WWOX: variants seen among roughly 807,000 people sequenced by gnomAD.
The protein encoded by WWOX is WW domain-containing oxidoreductase.
WWOX carries 69 observed loss-of-function variants against 46.2 expected under a neutral mutation model. The ratio of observed to expected loss-of-function variants is 1.49; its 90% CI spans 1.23 to 1.82. The LOEUF (loss-of-function observed/expected upper bound fraction) is 1.82, where lower values mean the gene tolerates loss of function less well. Among genes scored for constraint, WWOX ranks in the 40% most tolerant of loss-of-function variants. WWOX has a pLI of 0.00. For synonymous variants in WWOX, 359 were observed against 202.6 expected, an observed-to-expected ratio of 1.77 and a Z score of -6.56; for missense variants, 919 against 542.6, an observed-to-expected ratio of 1.69 and a Z score of -6.89.
At chr16:79,079,635 T>G (rs2048724137) in intron 8 of WWOX, among the ~76,000 whole-genome samples, 1 of 152,214 alleles carries the variant, frequency 6.6e-6, no homozygotes, top group Non-Finnish European at 1.5e-5. Context: ...CACTAAGTCT[T>G]TCACCATCCT....
chr16:78,526,901 A>T (rs1330099639), intron 8 of WWOX, among the ~76,000 whole-genome samples: 2 of 152,202 alleles, frequency 1.3e-5, no homozygotes, highest in African/African-American at 4.8e-5. Flanking sequence ...GCAATGGCTC[A>T]CGCCTATAAT....
chr16:79,091,405 G>T (rs957878129), intron 8 of WWOX, among the ~76,000 whole-genome samples: 6 of 152,064 alleles, frequency 3.9e-5, no homozygotes, highest in African/African-American at 1.4e-4. Context: ...TTTGAAGGCT[G>T]CCAGGCAGTA....
intron 8 of WWOX, among the ~76,000 whole-genome samples, chr16:79,034,129 T>C (rs1333451603): frequency 1.3e-5 from 2 of 152,190 alleles, no homozygotes; most frequent in African/African-American, 2.4e-5. Flanking sequence ...TTATGCACTC[T>C]TGACATTTTT....
intron 8 of WWOX, among the ~76,000 whole-genome samples, chr16:78,791,482 T>C (rs1341731429): frequency 2.0e-5 from 3 of 152,160 alleles, no homozygotes; most frequent in African/African-American, 4.8e-5. Flanking sequence ...ATGTCAGCAC[T>C]TTGCCCTGTC....
intron 8 of WWOX, among the ~76,000 whole-genome samples, chr16:79,130,786 G>A (rs2049861542): frequency 2.0e-5 from 3 of 152,204 alleles, no homozygotes; most frequent in Admixed American, 2.0e-4. Context: ...TTGTTGGGCT[G>A]TGATCAAGTA....
At chr16:79,184,213 G>A (rs2050969066) in intron 8 of WWOX, among the ~76,000 whole-genome samples, 1 of 152,188 alleles carries the variant, frequency 6.6e-6, no homozygotes, top group Admixed American at 6.5e-5. Context: ...GTCAGATGCA[G>A]TTAGTGTAAC....
At chr16:78,652,023 C>T (rs1223555444) in intron 8 of WWOX, among the ~76,000 whole-genome samples, 1 of 152,082 alleles carries the variant, frequency 6.6e-6, no homozygotes, top group African/African-American at 2.4e-5. Flanking sequence ...GTATTATTGG[C>T]ATTCCTAGGA....
At chr16:78,773,633 C>G (rs1056798897) in intron 8 of WWOX, among the ~76,000 whole-genome samples, 7 of 152,186 alleles carry the variant, frequency 4.6e-5, no homozygotes, top group African/African-American at 1.7e-4. Flanking sequence ...AGGTGCCTCT[C>G]ATTGTTTTCC....
intron 8 of WWOX, among the ~76,000 whole-genome samples, chr16:78,549,458 A>T (rs1419158365): frequency 6.6e-6 from 1 of 152,112 alleles, no homozygotes; most frequent in Non-Finnish European, 1.5e-5. Context: ...AGGGTTTCCC[A>T]TTCAGTCATG....
At chr16:78,778,006 C>G (rs574924525) in intron 8 of WWOX, among the ~76,000 whole-genome samples, 3 of 140,456 alleles carry the variant, frequency 2.1e-5, no homozygotes, top group African/African-American at 2.7e-5. Flanking sequence ...GATCGCATCA[C>G]TGCACTCCAG....
chr16:79,094,026 C>G (rs2049018082), intron 8 of WWOX, among the ~76,000 whole-genome samples: 1 of 152,142 alleles, frequency 6.6e-6, no homozygotes, highest in African/African-American at 2.4e-5. Context: ...GAATGAATGT[C>G]CATGGGGTCA....
chr16:78,824,371 A>G (rs1170636542), intron 8 of WWOX, among the ~76,000 whole-genome samples: 1 of 152,186 alleles, frequency 6.6e-6, no homozygotes, highest in Non-Finnish European at 1.5e-5. Flanking sequence ...AGGTTAGCTC[A>G]TTGACTCTAC....
intron 5 of WWOX, among the ~76,000 whole-genome samples, chr16:78,298,390 A>G (rs1284944648): frequency 6.6e-6 from 1 of 152,150 alleles, no homozygotes; most frequent in Non-Finnish European, 1.5e-5. Flanking sequence ...CCAGTTTCAG[A>G]TAGACATGGG....
intron 8 of WWOX, among the ~76,000 whole-genome samples, chr16:78,648,563 A>G (rs1322193370): frequency 6.6e-6 from 1 of 152,184 alleles, no homozygotes; most frequent in East Asian, 1.9e-4. Flanking sequence ...GGACTTGGTC[A>G]GTAATGCCCA....
At chr16:78,123,443 T>TTTTTTTTTG (rs2033207067) in intron 4 of WWOX, 1 of 52,842 alleles carries the variant, frequency 1.9e-5, no homozygotes, top group Non-Finnish European at 3.2e-5. Flanking sequence ...TTGTTTTGTT[T>TTTTTTTTTG]TTTTTTTTTT....
At chr16:78,724,247 C>G (rs1015486260) in intron 8 of WWOX, among the ~76,000 whole-genome samples, 1 of 152,152 alleles carries the variant, frequency 6.6e-6, no homozygotes, top group Non-Finnish European at 1.5e-5. Context: ...TCTAGGGCCT[C>G]TGGTTACCAG....
chr16:78,772,586 A>C (rs1014618670), intron 8 of WWOX, among the ~76,000 whole-genome samples: 2 of 152,214 alleles, frequency 1.3e-5, no homozygotes, highest in Admixed American at 1.3e-4. Flanking sequence ...ATACTTTGGA[A>C]GAGATTAAAC....
intron 8 of WWOX, among the ~76,000 whole-genome samples, chr16:78,676,781 C>T (rs924886485): frequency 6.6e-6 from 1 of 152,146 alleles, no homozygotes; most frequent in Non-Finnish European, 1.5e-5. Context: ...TGTTGAAGTG[C>T]TTTGCTCATT....
rs113250080 is a variant in WWOX, at chr16:78,102,588, A to G, written c.107+2703A>G. Among the ~76,000 whole-genome samples, 623 of 152,318 alleles carry G rather than the reference A, an allele frequency of 4.1e-3. 3 individuals carry two copies. Among genetic ancestry groups the G allele is most frequent in the Middle Eastern group, 6.8e-3 (2 of 294 alleles). On this transcript the variant is annotated intron_variant, in intron 1 of 8. Transcript: ENST00000566780. ...TCTCACCTGTACATCTGTTGGGGAA[A>G]GGCTCCTTCTCATCCTTCAGAGCTG...
Sources: allele counts gnomAD v4.1 joint callset (sites outside exome capture counted in the v4.1 genomes callset), GRCh38; gene constraint gnomAD v4.1.1; transcripts MANE v1.5; gene names NCBI Gene and HGNC (gene_info 2026-07-23, HGNC 2026-07-21).